COLEC12: variants seen among roughly 807,000 people sequenced by gnomAD.
COLEC12 encodes the protein collectin-12.
Under a neutral mutation model 71.1 loss-of-function variants are expected in COLEC12, and 33 were observed. The observed-to-expected ratio is 0.46, with a 90% CI of 0.35 to 0.62. The LOEUF is 0.62. Ranked by LOEUF, COLEC12 falls within the 20% of genes least tolerant of loss-of-function variation. The probability of loss-of-function intolerance (pLI) is 0.00; values close to 1 mark genes in which losing one functional copy is unlikely to be tolerated. For synonymous variants in COLEC12, 350 were observed against 353.0 expected (o/e 0.99, Z 0.10); for missense variants, 765 against 916.1 (o/e 0.84, Z 2.13).
intron 2 of COLEC12, among the ~76,000 whole-genome samples, chr18:439,337 C>T (rs1916467528): frequency 6.6e-6 from 1 of 152,074 alleles, no homozygotes; most frequent in Non-Finnish European, 1.5e-5. Context: ...CAGTACTGGT[C>T]AGATGAATGA....
intron 2 of COLEC12, among the ~76,000 whole-genome samples, chr18:426,092 C>G (rs78060275): frequency 1.3e-5 from 2 of 152,288 alleles, no homozygotes; most frequent in Non-Finnish European, 2.9e-5. Flanking sequence ...TATCAGAGGT[C>G]GGATTCAGAC....
intron 2 of COLEC12, among the ~76,000 whole-genome samples, chr18:391,784 A>C (rs1221947268): frequency 1.3e-5 from 2 of 152,186 alleles, no homozygotes; most frequent in Non-Finnish European, 2.9e-5. Context: ...AGTTATTTTT[A>C]CTTAAGTATA....
chr18:461,426 G>A (rs569473826), intron 2 of COLEC12, among the ~76,000 whole-genome samples: 41 of 152,036 alleles, frequency 2.7e-4, no homozygotes, highest in Middle Eastern at 3.4e-3. Flanking sequence ...TTGCTCTGTC[G>A]CTCAGGCTGG....
At chr18:361,365 C>G (rs8085897) in intron 2 of COLEC12, among the ~76,000 whole-genome samples, 71,213 of 151,940 alleles carry the variant, frequency 0.47, 17,926 homozygotes, top group African/African-American at 0.66. Flanking sequence ...CTCTCCATTT[C>G]CCCTGCCACC....
intron 2 of COLEC12, among the ~76,000 whole-genome samples, chr18:415,768 A>G (rs751855394): frequency 5.3e-5 from 8 of 152,156 alleles, no homozygotes; most frequent in Non-Finnish European, 1.2e-4. Context: ...CAGCAGAGAA[A>G]AGGAAGTGGC....
chr18:348,031 G>A (rs1914423968), intron 4 of COLEC12, 34 bp downstream of exon 4: 2 of 1,366,378 alleles, frequency 1.5e-6, no homozygotes, highest in East Asian at 2.3e-5. Flanking sequence ...TGTAGAGTCA[G>A]GGGATTTCAT....
At chr18:367,438 C>T (rs1308866457) in intron 2 of COLEC12, among the ~76,000 whole-genome samples, 2 of 152,150 alleles carry the variant, frequency 1.3e-5, no homozygotes, top group African/African-American at 4.8e-5. Flanking sequence ...AAACATCAAT[C>T]AACCTGACAG....
At chr18:392,770 T>G (rs1331192386) in intron 2 of COLEC12, among the ~76,000 whole-genome samples, 2 of 152,230 alleles carry the variant, frequency 1.3e-5, no homozygotes, top group African/African-American at 4.8e-5. Flanking sequence ...AAACTTTACT[T>G]AACAACCTAG....
chr18:352,714 T>A (rs1914550876), intron 3 of COLEC12, among the ~76,000 whole-genome samples: 2 of 152,164 alleles, frequency 1.3e-5, no homozygotes, highest in Admixed American at 1.3e-4. Context: ...CTGGTGGAGA[T>A]CCAGAACTTA....
chr18:439,867 T>C (rs1055111489), intron 2 of COLEC12, among the ~76,000 whole-genome samples: 2 of 152,150 alleles, frequency 1.3e-5, no homozygotes, highest in African/African-American at 4.8e-5. Context: ...ACAAAATCAG[T>C]ATCTTAAAGA....
chr18:377,369 A>C (rs1243834568), intron 2 of COLEC12, among the ~76,000 whole-genome samples: 2 of 152,242 alleles, frequency 1.3e-5, no homozygotes, highest in African/African-American at 4.8e-5. Context: ...CCTGAAACTC[A>C]TAAAGAACCC....
At chr18:440,466 A>G (rs1398279504) in intron 2 of COLEC12, among the ~76,000 whole-genome samples, 1 of 152,214 alleles carries the variant, frequency 6.6e-6, no homozygotes, top group Non-Finnish European at 1.5e-5. Flanking sequence ...CACATTGTAT[A>G]CATAAATCAG....
rs1385386524 is a variant in COLEC12 at position 376,504 on chromosome 18, G to A, written c.59-18982C>T. ...TGGCACGTTGCACTGTAGTAGAGTT[G>A]GCAAGAAGCGGACAGACTGCATGAG... On this transcript the variant is annotated intron_variant, in intron 2 of 9. Transcript: ENST00000400256. Among the ~76,000 whole-genome samples the A allele has an allele frequency of 3.9e-5, 6 of 152,258 alleles. No homozygotes were observed. In the South Asian group the frequency reaches 1.2e-3, roughly 32 times the overall value.
intron 3 of COLEC12, among the ~76,000 whole-genome samples, chr18:351,152 G>A (rs368233415): frequency 2.6e-5 from 4 of 152,076 alleles, no homozygotes; most frequent in Non-Finnish European, 4.4e-5. Flanking sequence ...CTGGCTCCTT[G>A]GATCCTGGAA....
At chr18:336,722 T>C (rs1417088411) in intron 5 of COLEC12, among the ~76,000 whole-genome samples, 1 of 152,174 alleles carries the variant, frequency 6.6e-6, no homozygotes, top group East Asian at 1.9e-4. Flanking sequence ...CACAATCTAG[T>C]AGTGGAGCTG....
At chr18:347,435 GTATTT>G in intron 4 of COLEC12, 94 bp from the exon 5 acceptor site, 1 of 1,024,746 alleles carries the variant, frequency 9.8e-7, no homozygotes, top group Non-Finnish European at 1.5e-6. Context: ...GGTATGCACT[GTATTT>G]TAGATGCAAA....
chr18:479,208 C>G (rs181330944), intron 2 of COLEC12, among the ~76,000 whole-genome samples: 7 of 152,130 alleles, frequency 4.6e-5, no homozygotes. Context: ...GCGTCCCCCC[C>G]GGGAAAGAAC....
At chr18:350,620 T>C (rs1914493228) in intron 3 of COLEC12, among the ~76,000 whole-genome samples, 1 of 149,336 alleles carries the variant, frequency 6.7e-6, no homozygotes, top group African/African-American at 2.4e-5. Context: ...CTTCTTAGTA[T>C]CAATAGCTTA....
chr18:406,280 C>A (rs1297292011), intron 2 of COLEC12, among the ~76,000 whole-genome samples: 1 of 152,004 alleles, frequency 6.6e-6, no homozygotes, highest in African/African-American at 2.4e-5. Context: ...GAGGCCGAGG[C>A]GGGTGGATCA....
Sources: gnomAD v4.1 joint callset for allele counts (sites outside exome capture counted in the v4.1 genomes callset) on GRCh38, gnomAD v4.1.1 for gene constraint, MANE v1.5 for transcripts, NCBI Gene and HGNC (gene_info 2026-07-23, HGNC 2026-07-21) for gene names.